Variants in NEK1 observed in about 807,000 individuals in gnomAD.
NEK1 encodes the protein serine/threonine-protein kinase Nek1.
A neutral mutation model predicts 182.1 loss-of-function variants in NEK1; 137 were observed. The observed-to-expected ratio is 0.75, with a 90% CI of 0.65 to 0.87. The LOEUF (loss-of-function observed/expected upper bound fraction) is 0.87, where lower values mean the gene tolerates loss of function less well. Among genes scored for constraint, NEK1 ranks in the 40% least tolerant of loss-of-function variants. NEK1 has a pLI of 0.00. For missense variants in NEK1, 1,391 were observed against 1,494.4 expected (o/e 0.93, Z 1.14); for synonymous variants, 513 against 492.2 (o/e 1.04, Z -0.56).
Position 169,477,415 on chromosome 4 carries a change from T to C in NEK1, c.2205+17A>G, listed in dbSNP as rs1356618546. 2 of 1,592,624 alleles carry C rather than the reference T, an allele frequency of 1.3e-6. No homozygotes were observed. Among genetic ancestry groups the C allele is most frequent in the South Asian group, 2.3e-5 (2 of 86,302 alleles). On this transcript the variant is annotated intron_variant, in intron 25 of 35. Transcript: ENST00000507142. ...CATTAAGTAAAATGATTGATAAACT[T>C]TGAAAATTTTACTTACTGAAATAGC...
intron 5 of NEK1, among the ~76,000 whole-genome samples, chr4:169,598,059 C>T (rs529656290): frequency 2.6e-5 from 4 of 152,224 alleles, no homozygotes; most frequent in Admixed American, 1.3e-4. Context: ...ATACACCAAA[C>T]TAAAAGCAGT....
chr4:169,548,160 T>C (rs886430374), intron 18 of NEK1, among the ~76,000 whole-genome samples: 2 of 152,162 alleles, frequency 1.3e-5, no homozygotes, highest in Non-Finnish European at 2.9e-5. Flanking sequence ...GGTCTCTGAG[T>C]GTATGTCCTT....
intron 12 of NEK1, among the ~76,000 whole-genome samples, chr4:169,570,231 A>C (rs1307244197): frequency 6.3e-5 from 9 of 142,110 alleles, no homozygotes; most frequent in African/African-American, 2.4e-4. Flanking sequence ...GCCCCGTCTG[A>C]GAAGTGAGGA....
chr4:169,579,298 C>G (rs1270007353), intron 11 of NEK1, among the ~76,000 whole-genome samples: 1 of 152,176 alleles, frequency 6.6e-6, no homozygotes, highest in Non-Finnish European at 1.5e-5. Flanking sequence ...ATGGGTTTAT[C>G]CATGTGGAAA....
intron 27 of NEK1, among the ~76,000 whole-genome samples, chr4:169,459,638 G>A (rs1743572997): frequency 1.3e-5 from 2 of 152,124 alleles, no homozygotes; most frequent in Admixed American, 1.3e-4. Flanking sequence ...ATGTCTTTCA[G>A]TACATCTTGA....
At chr4:169,579,807 G>C (rs1766311667) in intron 11 of NEK1, among the ~76,000 whole-genome samples, 1 of 151,636 alleles carries the variant, frequency 6.6e-6, no homozygotes, top group Admixed American at 6.6e-5. Flanking sequence ...AAAAAAGACG[G>C]GCTAAATGCA....
chr4:169,468,069 A>C (rs1561241086), intron 26 of NEK1, among the ~76,000 whole-genome samples: 1 of 152,170 alleles, frequency 6.6e-6, no homozygotes, highest in Admixed American at 6.5e-5. Context: ...TATCAAACAA[A>C]GAAAACTTTT....
rs1309664573 is a variant in NEK1 at position 169,469,698 on chromosome 4, T to C, written c.2435-6303A>G. On this transcript the variant is annotated intron_variant, in intron 26 of 35. Coordinates refer to ENST00000507142, the MANE Select transcript of NEK1 (RefSeq NM_001199397.3). Reference sequence around the variant, plus strand: ...TTGTTAATTTTCTGTCTTGTTGATATGTCTAATATTGACAGTGGGGTGTTA... The same window carrying C: ...TTGTTAATTTTCTGTCTTGTTGATACGTCTAATATTGACAGTGGGGTGTTA... 3.9e-5 allele frequency among the ~76,000 whole-genome samples: 6 copies of C among 152,190 alleles called. 1 individual carries two copies. In the South Asian group the frequency reaches 8.3e-4, roughly 21 times the overall value.
chr4:169,545,218 C>A (rs565284820), intron 18 of NEK1, among the ~76,000 whole-genome samples: 100 of 130,834 alleles, frequency 7.6e-4, no homozygotes, highest in Non-Finnish European at 1.0e-3. Context: ...CCCACCCCAC[C>A]ACAGTCCCCA....
intron 5 of NEK1, among the ~76,000 whole-genome samples, chr4:169,593,485 A>G (rs1431958034): frequency 6.6e-6 from 1 of 152,222 alleles, no homozygotes; most frequent in African/African-American, 2.4e-5. Context: ...GCGGCAACAC[A>G]GTCTGGAGGT....
chr4:169,509,277 A>T (rs922536182), intron 19 of NEK1, among the ~76,000 whole-genome samples: 2 of 152,148 alleles, frequency 1.3e-5, no homozygotes, highest in African/African-American at 2.4e-5. Context: ...TTCTGAATTC[A>T]ACAAATGGGT....
intron 31 of NEK1, among the ~76,000 whole-genome samples, chr4:169,417,068 A>G (rs1163961696): frequency 2.0e-5 from 3 of 152,182 alleles, no homozygotes; most frequent in African/African-American, 7.2e-5. Flanking sequence ...CAAGATGATG[A>G]TGTCTGACAT....
intron 19 of NEK1, among the ~76,000 whole-genome samples, chr4:169,522,624 C>T (rs1182243219): frequency 6.6e-6 from 1 of 152,196 alleles, no homozygotes; most frequent in Admixed American, 6.5e-5. Flanking sequence ...CCTGTTCAAT[C>T]ACTGCTGCTG....
intron 23 of NEK1, among the ~76,000 whole-genome samples, chr4:169,503,726 G>A (rs1304729401): frequency 6.6e-6 from 1 of 152,088 alleles, no homozygotes; most frequent in Non-Finnish European, 1.5e-5. Flanking sequence ...AAATCAAAAT[G>A]TATTAAAGAC....
chr4:169,507,635 T>TA, intron 22 of NEK1, 80 bp downstream of exon 22: 6 of 964,706 alleles, frequency 6.2e-6, no homozygotes, highest in Non-Finnish European at 9.6e-6. Flanking sequence ...GTGATATAAC[T>TA]ATGCAAAACT....
intron 12 of NEK1, among the ~76,000 whole-genome samples, chr4:169,573,656 A>G (rs1765219627): frequency 6.7e-6 from 1 of 150,068 alleles, no homozygotes; most frequent in Non-Finnish European, 1.5e-5. Context: ...GGAAGTTATT[A>G]GGATTCATGG....
chr4:169,471,322 TTGTTGA>T (rs1745920834), intron 26 of NEK1, among the ~76,000 whole-genome samples: 1 of 152,176 alleles, frequency 6.6e-6, no homozygotes, highest in Non-Finnish European at 1.5e-5. Context: ...GGTGTCCTTT[TTGTTGA>T]TGTTGATGCT....
chr4:169,400,938 A>C (rs1731572429), intron 33 of NEK1, among the ~76,000 whole-genome samples: 1 of 152,040 alleles, frequency 6.6e-6, no homozygotes, highest in African/African-American at 2.4e-5. Flanking sequence ...AAAAAGTGGA[A>C]AAAGCACACC....
chr4:169,402,902 TG>T (rs11362172), intron 32 of NEK1, among the ~76,000 whole-genome samples: 5,374 of 152,232 alleles, frequency 0.035, 123 homozygotes, highest in African/African-American at 0.043. Flanking sequence ...AGGAGTTAAC[TG>T]ATGTTTTAGA....
Sources: gnomAD v4.1 joint callset for allele counts (sites outside exome capture counted in the v4.1 genomes callset) on GRCh38, gnomAD v4.1.1 for gene constraint, MANE v1.5 for transcripts, NCBI Gene and HGNC (gene_info 2026-07-23, HGNC 2026-07-21) for gene names.